SND1: variants seen among roughly 807,000 people sequenced by gnomAD.
SND1 encodes staphylococcal nuclease domain-containing protein 1.
Under a neutral mutation model 121.7 loss-of-function variants are expected in SND1, and 38 were observed. The ratio of observed to expected loss-of-function variants is 0.31; its 90% confidence interval spans 0.24 to 0.41. The LOEUF (loss-of-function observed/expected upper bound fraction) is 0.41, where lower values mean the gene tolerates loss of function less well. Ranked by LOEUF, SND1 falls within the 10% of genes least tolerant of loss-of-function variation. The pLI is 1.00. For synonymous variants in SND1, 401 were observed against 447.4 expected (o/e 0.90, Z 1.31); for missense variants, 868 against 1,184.6 (o/e 0.73, Z 3.92).
chr7:127,937,362 A>G (rs1208739877), intron 15 of SND1, among the ~76,000 whole-genome samples: 1 of 152,138 alleles, frequency 6.6e-6, no homozygotes, highest in Non-Finnish European at 1.5e-5. Context: ...TTCATATGAA[A>G]TAAGACAAGA....
chr7:127,696,241 A>T (rs1344061065), intron 3 of SND1, among the ~76,000 whole-genome samples: 1 of 152,200 alleles, frequency 6.6e-6, no homozygotes, highest in Admixed American at 6.5e-5. Context: ...TCTGTTTTTA[A>T]TGATAGAGGT....
chr7:127,754,831 A>G (rs1563001757), intron 10 of SND1, among the ~76,000 whole-genome samples: 1 of 152,270 alleles, frequency 6.6e-6, no homozygotes, highest in Non-Finnish European at 1.5e-5. Flanking sequence ...GTTGTTTAAA[A>G]AACAACTTTT....
intron 1 of SND1, among the ~76,000 whole-genome samples, chr7:127,660,462 T>C (rs571343405): frequency 9.2e-5 from 14 of 152,320 alleles, no homozygotes; most frequent in Non-Finnish European, 2.9e-5. Context: ...CTTTGGTTTT[T>C]GTTTAGTTTT....
intron 10 of SND1, among the ~76,000 whole-genome samples, chr7:127,737,667 C>G (rs1392389413): frequency 6.6e-6 from 1 of 152,134 alleles, no homozygotes; most frequent in Non-Finnish European, 1.5e-5. Context: ...TGGTTGGGAC[C>G]AGAAGTGATT....
At position 128,084,696 on chromosome 7, in the gene SND1, G is replaced by T. The variant is rs528065658; in HGVS notation, c.2111-28G>T. On this transcript the variant is annotated intron_variant, in intron 18 of 23. Coordinates refer to ENST00000354725, the MANE Select transcript of SND1 (RefSeq NM_014390.4). ...AGCCGTCGAGGAACCCAGCACCCAG[G>T]TCTCACTGTGCTCTTCCTCCCTGGC... 8.4e-5 allele frequency: 133 copies of T among 1,592,050 alleles called. 2 individuals are homozygous for T. The South Asian group carries it at 1.0e-3, about 12-fold the overall frequency.
intron 12 of SND1, among the ~76,000 whole-genome samples, chr7:127,882,454 G>GGGAGA (rs1218155148): frequency 6.7e-6 from 1 of 148,366 alleles, no homozygotes; most frequent in Non-Finnish European, 1.5e-5. Context: ...GGGAAGAGAG[G>GGGAGA]GGAGAGGAGA....
In SND1 at chr7:128,017,249, G is replaced by A. The variant is rs1253026039; in HGVS notation, c.1779+26193G>A. On this transcript the variant is annotated intron_variant, in intron 16 of 23. Transcript: ENST00000354725. ...TTAGGGTAGGGAGGTTCTTCCCCCTGTTCTCATGTGGCTTACCTGCAAACC... is the reference window on the plus strand; with the variant it reads ...TTAGGGTAGGGAGGTTCTTCCCCCTATTCTCATGTGGCTTACCTGCAAACC... Among the ~76,000 whole-genome samples, 9 of 152,108 alleles carry A rather than the reference G, an allele frequency of 5.9e-5. No individual in the cohort carries two copies. The East Asian group carries it at 7.7e-4, about 13-fold the overall frequency.
chr7:127,669,510 G>A (rs191169238), intron 1 of SND1, among the ~76,000 whole-genome samples: 2 of 152,234 alleles, frequency 1.3e-5, no homozygotes, highest in East Asian at 3.9e-4. Flanking sequence ...ACTTTCCTCA[G>A]TCACTACCTA....
intron 12 of SND1, among the ~76,000 whole-genome samples, chr7:127,865,014 G>T (rs1563040265): frequency 6.6e-6 from 1 of 152,190 alleles, no homozygotes. Context: ...AAATGTAAGG[G>T]ATTAGATAAT....
intron 16 of SND1, among the ~76,000 whole-genome samples, chr7:128,026,454 C>T (rs1040978040): frequency 6.6e-6 from 1 of 152,220 alleles, no homozygotes; most frequent in African/African-American, 2.4e-5. Context: ...AAAGAGTTCA[C>T]ACCCACTCAG....
At chr7:128,053,810 C>G (rs757338076) in intron 16 of SND1, among the ~76,000 whole-genome samples, 14 of 152,162 alleles carry the variant, frequency 9.2e-5, no homozygotes, top group Non-Finnish European at 1.8e-4. Flanking sequence ...CCTGGAGATA[C>G]ACTAGCCAGA....
In SND1 at chr7:128,081,882, C is replaced by CTG. The variant is rs1483078116; in HGVS notation, c.2110+381_2110+382insTG. ...GTAGCCCCCAGAATCTGTCAGGCAC[C>CTG]AGCCAGGCATTGCTCAGCCCGTTTC... is the stretch of plus-strand genomic sequence containing the variant. On this transcript the variant is annotated intron_variant, in intron 18 of 23. Transcript: ENST00000354725. The CTG allele has an allele frequency of 5.6e-6, 3 of 539,400 alleles. No homozygotes were observed. In the African/African-American group the frequency reaches 5.8e-5, roughly 10 times the overall value. The allele number at this position is 539,400 out of a possible 1,614,324, so 33.4% of individuals were successfully genotyped here.
At chr7:127,685,625 A>G (rs1795798872) in intron 1 of SND1, among the ~76,000 whole-genome samples, 1 of 152,184 alleles carries the variant, frequency 6.6e-6, no homozygotes, top group Non-Finnish European at 1.5e-5. Flanking sequence ...AGTGAGCTTT[A>G]GAGCTCTTTT....
intron 10 of SND1, among the ~76,000 whole-genome samples, chr7:127,755,827 A>G (rs1218176389): frequency 1.3e-5 from 2 of 152,240 alleles, no homozygotes; most frequent in Non-Finnish European, 2.9e-5. Flanking sequence ...AAGACAAACA[A>G]TTTTATTAAT....
chr7:127,867,731 C>T (rs1799504730), intron 12 of SND1, among the ~76,000 whole-genome samples: 1 of 152,000 alleles, frequency 6.6e-6, no homozygotes, highest in Admixed American at 6.6e-5. Context: ...TCTTACTGCC[C>T]TCCAATCCAT....
At chr7:127,664,694 C>T (rs1019195215) in intron 1 of SND1, among the ~76,000 whole-genome samples, 2 of 152,148 alleles carry the variant, frequency 1.3e-5, no homozygotes, top group African/African-American at 4.8e-5. Context: ...GCTGGTCAGT[C>T]ATTAAGGGTG....
chr7:127,753,558 G>A (rs1326565203), intron 10 of SND1, among the ~76,000 whole-genome samples: 2 of 151,742 alleles, frequency 1.3e-5, no homozygotes, highest in East Asian at 1.9e-4. Flanking sequence ...GTTACATAAC[G>A]CAACTGAGAC....
intron 1 of SND1, among the ~76,000 whole-genome samples, chr7:127,657,221 G>A (rs961678948): frequency 1.3e-5 from 2 of 152,170 alleles, no homozygotes. Context: ...CTATCCTTAT[G>A]GCTTATGGAG....
intron 16 of SND1, among the ~76,000 whole-genome samples, chr7:128,021,920 G>A (rs2116964910): frequency 6.6e-6 from 1 of 152,192 alleles, no homozygotes; most frequent in South Asian, 2.1e-4. Context: ...AAGGTAGGTG[G>A]GGGCTGGGTA....
Sources: allele counts gnomAD v4.1 joint callset (sites outside exome capture counted in the v4.1 genomes callset), GRCh38; gene constraint gnomAD v4.1.1; transcripts MANE v1.5; gene names NCBI Gene and HGNC (gene_info 2026-07-23, HGNC 2026-07-21).